Variants in CNGA1 observed in about 807,000 individuals in gnomAD.
The protein encoded by CNGA1 is cyclic nucleotide-gated channel alpha-1.
In CNGA1, 53 loss-of-function variants were observed where a neutral mutation model predicts 69.7. That is an observed-to-expected ratio of 0.76 (90% CI 0.61 to 0.96). The LOEUF (loss-of-function observed/expected upper bound fraction) is 0.96, where lower values mean the gene tolerates loss of function less well. Ranked by LOEUF, CNGA1 falls within the 40% of genes least tolerant of loss-of-function variation. The pLI is 0.00. For missense variants in CNGA1, 739 were observed against 811.2 expected (o/e 0.91, Z 1.08); for synonymous variants, 249 against 283.5 (o/e 0.88, Z 1.22).
chr4:47,937,977 A>G lies in CNGA1; in HGVS notation c.653-148T>C. 3 of 665,152 alleles carry G rather than the reference A, an allele frequency of 4.5e-6. No homozygotes were observed. In the South Asian group the frequency reaches 5.6e-5, roughly 12 times the overall value. 41.2% of individuals were successfully genotyped at this position (665,152 alleles called of 1,614,324 possible). A position where few individuals can be genotyped will look rare whatever the true frequency, so the allele number is the denominator to read the frequency against. ...TTTAACAATGTAATAAAATACAAAT[A>G]CTAATAAACCTATGGCTGTAGAAAA... On this transcript the variant is annotated intron_variant, in intron 10 of 10. Coordinates refer to ENST00000514170, the MANE Select transcript of CNGA1 (RefSeq NM_001379270.1).
At chr4:47,975,310 T>C (rs549127578) in intron 3 of CNGA1, among the ~76,000 whole-genome samples, 1 of 152,348 alleles carries the variant, frequency 6.6e-6, no homozygotes, top group African/African-American at 2.4e-5. Flanking sequence ...CCTGCCACAC[T>C]TGGTAAGTCA....
In CNGA1 at chr4:47,986,099, C is replaced by T. The variant is rs897810255; in HGVS notation, c.-122-4599G>A. Among the ~76,000 whole-genome samples the T allele has an allele frequency of 8.5e-5, 13 of 152,258 alleles. No individual in the cohort carries two copies. The South Asian group carries it at 2.7e-3, about 32-fold the overall frequency. Reference sequence around the variant, plus strand: ...ATGCTGCAATGGGAGTTTTCATAAGCAGATATCTGTGGCTGCTAAGTAATT... The same window carrying T: ...ATGCTGCAATGGGAGTTTTCATAAGTAGATATCTGTGGCTGCTAAGTAATT... On this transcript the variant is annotated intron_variant, in intron 2 of 10. Transcript: ENST00000514170.
intron 3 of CNGA1, among the ~76,000 whole-genome samples, chr4:47,960,290 A>C (rs1055011175): frequency 1.3e-5 from 2 of 152,226 alleles, no homozygotes; most frequent in African/African-American, 4.8e-5. Flanking sequence ...CTGGTGGGAC[A>C]AAAGATTGTA....
At chr4:47,952,761 ATC>A in intron 3 of CNGA1, 58 bp from the exon 4 acceptor site, 3 of 1,337,190 alleles carry the variant, frequency 2.2e-6, no homozygotes, top group Non-Finnish European at 3.0e-6. Context: ...TACATATATA[ATC>A]AAAAGTTTCA....
At position 47,936,574 on chromosome 4, in the gene CNGA1, C is replaced by T. The variant is rs1738653700; in HGVS notation, c.1908G>A (p.Arg636=). 6.2e-7 allele frequency: 1 copy of T among 1,614,064 alleles called. No individual in the cohort carries two copies. The highest frequency in any genetic ancestry group is 8.5e-7 in the Non-Finnish European group (1 of 1,180,038). ...CATACTCAGCCAAGATTCGGGCAAA[C>T]CTGGTTTGCAGGAGGTCTACTGACC... ...MEGSVDLLQT[R]FARILAEYES... is the part of the protein sequence containing the mutation. The change falls in exon 11 of 11, where the codon AGG becomes AGA. Residue 636 remains arginine (R), a synonymous_variant. Transcript: ENST00000514170.
chr4:47,970,875 GC>G (rs762301892), intron 3 of CNGA1: 3 of 453,514 alleles, frequency 6.6e-6, no homozygotes, highest in South Asian at 4.7e-5. Context: ...ACAGTATGAG[GC>G]CAAGTGTGGT....
chr4:47,974,122 AGAT>A (rs977197287), intron 3 of CNGA1, among the ~76,000 whole-genome samples: 3 of 144,606 alleles, frequency 2.1e-5, no homozygotes, highest in African/African-American at 5.1e-5. Flanking sequence ...ATAGATAGAT[AGAT>A]GATAGATAGC....
chr4:47,956,687 G>A (rs1269871303), intron 3 of CNGA1, among the ~76,000 whole-genome samples: 1 of 152,152 alleles, frequency 6.6e-6, no homozygotes, highest in Non-Finnish European at 1.5e-5. Context: ...CCAAAATGAG[G>A]GAAAGGAAGG....
intron 3 of CNGA1, among the ~76,000 whole-genome samples, chr4:47,978,105 C>A (rs569789844): frequency 6.6e-6 from 1 of 152,136 alleles, no homozygotes; most frequent in African/African-American, 2.4e-5. Flanking sequence ...TGATTACAGG[C>A]GTGAGCCACC....
At chr4:47,970,893 C>CGA in intron 3 of CNGA1, 1 of 453,602 alleles carries the variant, frequency 2.2e-6, no homozygotes, top group Non-Finnish European at 4.4e-6. Flanking sequence ...TGGTGGCTCA[C>CGA]ACCTGTAATA....
In CNGA1 at chr4:47,938,314, G is replaced by GAT. The variant is rs10558013; in HGVS notation, c.653-487_653-486dup. The stretch of plus-strand genomic sequence containing the variant: ...GAGTAGCATTCTTGTGATATTGTGA[G>GAT]ATATATATATATATATATTTGGTCC... On this transcript the variant is annotated intron_variant, in intron 10 of 10. Transcript: ENST00000514170. Among the ~76,000 whole-genome samples the GAT allele has an allele frequency of 5.7e-3, 845 of 149,442 alleles. 6 individuals carry two copies. The highest frequency in any genetic ancestry group is 0.019 in the African/African-American group (790 of 40,688).
chr4:47,955,162 T>A (rs1000166407), intron 3 of CNGA1, among the ~76,000 whole-genome samples: 8 of 139,194 alleles, frequency 5.7e-5, no homozygotes, highest in Non-Finnish European at 9.1e-5. Flanking sequence ...TCTCTGTCTC[T>A]TTTTTCTTTT....
intron 8 of CNGA1, chr4:47,942,907 A>G (rs1053766209): frequency 7.5e-6 from 2 of 268,242 alleles, no homozygotes; most frequent in African/African-American, 4.4e-5. Context: ...ATCTTCACCA[A>G]TGCTTAGGGA....
Position 47,937,704 on chromosome 4 carries a change from C to T in CNGA1, c.778G>A (p.Gly260Arg). 1 of 1,614,054 alleles carries T rather than the reference C, an allele frequency of 6.2e-7. No homozygotes were observed. The highest frequency in any genetic ancestry group is 1.3e-5 in the African/African-American group (1 of 75,038). ...IPTDLLYFKL[G>R]WNYPEIRLNR... ...AATCTAATTTCTGGATAGTTCCACC[C>T]TAACTTAAAATACAGCAAATCAGTT... Residue 260 changes from glycine (G) to arginine (R), a missense_variant, in exon 11 of 11, where the codon GGG becomes AGG. Physicochemically the swap from Gly to Arg is moderately radical, Grantham distance 125 (BLOSUM62 -2). Transcript: ENST00000514170.
chr4:47,958,315 T>C (rs1254643207), intron 3 of CNGA1, among the ~76,000 whole-genome samples: 1 of 152,128 alleles, frequency 6.6e-6, no homozygotes, highest in Non-Finnish European at 1.5e-5. Flanking sequence ...AATCAGTTCA[T>C]ATATTCCCTG....
chr4:47,943,045 A>C, intron 8 of CNGA1, 136 bp downstream of exon 8: 1 of 647,204 alleles, frequency 1.5e-6, no homozygotes, highest in Non-Finnish European at 2.7e-6. Flanking sequence ...TTATTTTTCA[A>C]TATTTAAAGA....
At chr4:47,994,248 T>C (rs2110238891) in intron 2 of CNGA1, among the ~76,000 whole-genome samples, 1 of 152,290 alleles carries the variant, frequency 6.6e-6, no homozygotes, top group Non-Finnish European at 1.5e-5. Context: ...TCTGTCTTGA[T>C]GACCTGTCTA....
chr4:47,954,846 C>T (rs1739966830), intron 3 of CNGA1, among the ~76,000 whole-genome samples: 1 of 152,132 alleles, frequency 6.6e-6, no homozygotes, highest in African/African-American at 2.4e-5. Context: ...GTAGGTGGAG[C>T]TGAAATTCTG....
At chr4:47,970,860 A>G (rs981406350) in intron 3 of CNGA1, 4 of 453,578 alleles carry the variant, frequency 8.8e-6, no homozygotes, top group Non-Finnish European at 1.8e-5. Context: ...AAATCCTTCA[A>G]AAATACAGTA....
Sources: allele counts gnomAD v4.1 joint callset (sites outside exome capture counted in the v4.1 genomes callset), GRCh38; gene constraint gnomAD v4.1.1; transcripts MANE v1.5; gene names NCBI Gene and HGNC (gene_info 2026-07-23, HGNC 2026-07-21).